WNK2: variants seen among roughly 807,000 people sequenced by gnomAD.
The protein encoded by WNK2 is serine/threonine-protein kinase WNK2.
A neutral mutation model predicts 192.1 loss-of-function variants in WNK2; 67 were observed. That is an observed-to-expected ratio of 0.35 (90% confidence interval 0.29 to 0.43). The LOEUF (loss-of-function observed/expected upper bound fraction) is 0.43, where lower values mean the gene tolerates loss of function less well. WNK2 is among the 20% of genes least tolerant of loss of function. The pLI, the probability that WNK2 is intolerant of heterozygous loss-of-function variation, is 1.00. For missense variants in WNK2, 2,698 were observed against 3,089.7 expected, an observed-to-expected ratio of 0.87 and a Z score of 3.01; for synonymous variants, 1,439 against 1,393.9, an observed-to-expected ratio of 1.03 and a Z score of -0.72.
chr9:93,188,939 G>A (rs949178825), intron 2 of WNK2, among the ~76,000 whole-genome samples: 15 of 152,156 alleles, frequency 9.9e-5, no homozygotes, highest in Non-Finnish European at 2.2e-4. Context: ...TCTCCTTTTG[G>A]TGTTGAGCTT....
At position 93,261,932 on chromosome 9, in the gene WNK2, C is replaced by A; in HGVS notation, c.3185C>A (p.Ala1062Asp). The A allele has an allele frequency of 6.2e-7, 1 of 1,610,040 alleles. No homozygotes were observed. Among genetic ancestry groups the A allele is most frequent in the Non-Finnish European group, 8.5e-7 (1 of 1,179,752 alleles). The stretch of plus-strand genomic sequence containing the variant: ...CTGCCGGAAGTGCTGCTGCCTGCCG[C>A]CCCTGAGCTCCTGCCTCAGTTCCCC... Reference protein sequence around the residue: ...PPLPEVLLPAAPELLPQFPSS... With the variant: ...PPLPEVLLPADPELLPQFPSS... Residue 1062 changes from alanine to aspartate, a missense_variant, in exon 13 of 30, where the codon GCC becomes GAC. By Grantham distance (126) the Ala-to-Asp change is moderately radical. This residue lies in a region of WNK2 where 893 missense variants were observed against 909.0 expected (regional missense o/e 0.98). Transcript: ENST00000427277.
At position 93,185,120 on chromosome 9, in the gene WNK2, GCCCGCAGCC is replaced by G. The variant is rs761064127; in HGVS notation, c.203_211del (p.Pro68_Pro70del). ...GGCTTGGAGGCAGCCGAGGCGCCGG[GCCCGCAGCC>G]CCCGCAGCCCCTGCAGCGCCGGGTG... On this transcript the variant is annotated inframe_deletion, in exon 2 of 30. Transcript: ENST00000427277. 3.1e-5 allele frequency: 40 copies of G among 1,308,480 alleles called. No homozygotes were observed. The highest frequency in any genetic ancestry group is 3.8e-5 in the Non-Finnish European group (39 of 1,023,426). The allele number at this position is 1,308,480 out of a possible 1,614,324, so 81.1% of individuals were successfully genotyped here.
intron 12 of WNK2, among the ~76,000 whole-genome samples, chr9:93,260,116 C>G (rs1245638755): frequency 6.6e-6 from 1 of 152,138 alleles, no homozygotes; most frequent in Non-Finnish European, 1.5e-5. Context: ...ATGGTGGGAC[C>G]CGGGGCCATG....
intron 26 of WNK2, chr9:93,306,526 A>G: frequency 2.0e-6 from 1 of 504,450 alleles, no homozygotes; most frequent in South Asian, 3.7e-5. Flanking sequence ...TTCTAGAGAC[A>G]AACACTTCTC....
rs1475585622 is a variant in WNK2 at position 93,185,420 on chromosome 9, A to C, written c.491A>C (p.Glu164Ala). 2 of 1,610,352 alleles carry C rather than the reference A, an allele frequency of 1.2e-6. No homozygotes were observed. The highest frequency in any genetic ancestry group is 2.2e-5 in the South Asian group (2 of 90,804). Reference sequence around the variant, plus strand: ...GAGGGGGCGGCCGAGGCGAAGCCTGAGCCCGGGCGCACTCGCCGGGACGAG... The same window carrying C: ...GAGGGGGCGGCCGAGGCGAAGCCTGCGCCCGGGCGCACTCGCCGGGACGAG... ...EDEGAAEAKP[E>A]PGRTRRDEPE... The change falls in exon 2 of 30, where the codon GAG becomes GCG. Residue 164 changes from glutamate to alanine, a missense_variant. Physicochemically the swap from Glu to Ala is moderately radical, Grantham distance 107. Coordinates refer to ENST00000427277, the MANE Select transcript of WNK2 (RefSeq NM_006648.4).
chr9:93,185,021 C>T lies in WNK2; in HGVS notation c.92C>T (p.Ala31Val), dbSNP rs1421287562. 2 of 1,254,562 alleles carry T rather than the reference C, an allele frequency of 1.6e-6. No homozygotes were observed. Among genetic ancestry groups the T allele is most frequent in the African/African-American group, 1.6e-5 (1 of 63,440 alleles). The allele number at this position is 1,254,562 out of a possible 1,614,324, so 77.7% of individuals were successfully genotyped here. ...AGPAGMAEPR[A>V]KAARPGPQRF... ...CCCGCGGGCATGGCGGAGCCTCGGG[C>T]GAAGGCGGCGCGGCCGGGGCCCCAG... The change falls in exon 2 of 30, where the codon GCG becomes GTG. Residue 31 changes from alanine to valine, a missense_variant. Ala to Val is a moderately conservative substitution (Grantham distance 64). Coordinates refer to ENST00000427277, the MANE Select transcript of WNK2 (RefSeq NM_006648.4).
Position 93,292,651 on chromosome 9 carries a change from C to A in WNK2, c.5186C>A (p.Pro1729His). Reference protein sequence around the residue: ...QTLGARALGSPRKRPEQQDVS... With the variant: ...QTLGARALGSHRKRPEQQDVS... ...CTCGGCGCTCGAGCTTTGGGGTCCCCTCGGAAACGTCCAGAGCAGCAGGAT... is the reference window on the plus strand; with the variant it reads ...CTCGGCGCTCGAGCTTTGGGGTCCCATCGGAAACGTCCAGAGCAGCAGGAT... The change falls in exon 23 of 30, where the codon CCT becomes CAT. Residue 1729 changes from proline (P) to histidine (H), a missense_variant. By Grantham distance (77) the Pro-to-His change is moderately conservative. Coordinates refer to ENST00000427277, the MANE Select transcript of WNK2 (RefSeq NM_006648.4). 1.3e-6 allele frequency: 2 copies of A among 1,581,426 alleles called. No individual in the cohort carries two copies. The highest frequency in any genetic ancestry group is 2.3e-5 in the East Asian group (1 of 42,818).
intron 11 of WNK2, among the ~76,000 whole-genome samples, chr9:93,258,488 T>A (rs1564104489): frequency 6.6e-6 from 1 of 152,180 alleles, no homozygotes; most frequent in Non-Finnish European, 1.5e-5. Context: ...GTCTGGTGGC[T>A]CTGACAGTCC....
intron 28 of WNK2, among the ~76,000 whole-genome samples, chr9:93,313,194 G>A (rs1304306332): frequency 6.6e-6 from 1 of 152,128 alleles, no homozygotes; most frequent in East Asian, 1.9e-4. Context: ...TAAGTCCAAT[G>A]TCTAGGCTTC....
Position 93,195,699 on chromosome 9 carries a change from C to CAAAAAAAAA in WNK2, c.681+10106_681+10114dup, listed in dbSNP as rs59357990. Reference sequence around the variant, plus strand: ...GGGCAACAGAGTAAAGACTTTGTCTCAAAAAAAAAAAAAAAAAAAAAAAAA... The same window carrying CAAAAAAAAA: ...GGGCAACAGAGTAAAGACTTTGTCTCAAAAAAAAAAAAAAAAAAAAAAAAAAAAAAAAAA... On this transcript the variant is annotated intron_variant, in intron 2 of 29. Transcript: ENST00000427277. Among the ~76,000 whole-genome samples the CAAAAAAAAA allele has an allele frequency of 4.4e-3, 185 of 41,642 alleles. 19 individuals are homozygous for CAAAAAAAAA. Among genetic ancestry groups the CAAAAAAAAA allele is most frequent in the Middle Eastern group, 0.017 (1 of 58 alleles). The allele number at this position is 41,642 out of a possible 152,430, so 27.3% of individuals were successfully genotyped here.
chr9:93,253,170 T>TTC (rs1842830683), intron 9 of WNK2, 88 bp downstream of exon 9: 1 of 1,174,940 alleles, frequency 8.5e-7, no homozygotes, highest in African/African-American at 1.6e-5. Flanking sequence ...TGATGGGCTG[T>TTC]CCAGGCTGCA....
chr9:93,279,068 T>C (rs754828370), intron 19 of WNK2, among the ~76,000 whole-genome samples: 30 of 152,198 alleles, frequency 2.0e-4, no homozygotes, highest in Non-Finnish European at 4.3e-4. Context: ...GATTGGGAAC[T>C]AGGTGAGGAT....
At position 93,293,942 on chromosome 9, in the gene WNK2, GTCTC is replaced by G. The variant is rs1013277219; in HGVS notation, c.5708+778_5708+781del. 2.6e-5 allele frequency among the ~76,000 whole-genome samples: 4 copies of G among 151,054 alleles called. 1 individual carries two copies. The highest frequency in any genetic ancestry group is 4.2e-4 in the South Asian group (2 of 4,758). ...CTCTCCTTTCTTTGTCTCTGTCTCTGTCTCTCTCTCTCCCACCCTCCTTCTTTCT... is the reference window on the plus strand; with the variant it reads ...CTCTCCTTTCTTTGTCTCTGTCTCTGTCTCTCTCCCACCCTCCTTCTTTCT... On this transcript the variant is annotated intron_variant, in intron 23 of 29. Coordinates refer to ENST00000427277, the MANE Select transcript of WNK2 (RefSeq NM_006648.4).
chr9:93,295,264 C>T (rs1850056784), intron 23 of WNK2, among the ~76,000 whole-genome samples: 1 of 152,094 alleles, frequency 6.6e-6, no homozygotes, highest in Non-Finnish European at 1.5e-5. Context: ...AAGCTCCAGC[C>T]TGGATAAGAC....
intron 11 of WNK2, among the ~76,000 whole-genome samples, chr9:93,258,068 C>T (rs1843599711): frequency 6.6e-6 from 1 of 152,216 alleles, no homozygotes; most frequent in African/African-American, 2.4e-5. Context: ...GCCCAGATGT[C>T]ACCATAGGAC....
Position 93,239,661 on chromosome 9 carries a change from G to T in WNK2, c.1323-96G>T. ...GAGGCCTGGCCTCAGGCTCCTGCAG[G>T]TGTGCCTGTCCTTGTCCTGGTGCGC... On this transcript the variant is annotated intron_variant, in intron 6 of 29. Transcript: ENST00000427277. This position sits in a 1 kb window ranked among gnomAD's most constrained non-coding sequence, Gnocchi z 4.2. The T allele has an allele frequency of 9.1e-7, 1 of 1,095,524 alleles. No individual in the cohort carries two copies. Among genetic ancestry groups the T allele is most frequent in the Non-Finnish European group, 1.3e-6 (1 of 763,304 alleles). 67.9% of individuals were successfully genotyped at this position (1,095,524 alleles called of 1,614,324 possible). A position where few individuals can be genotyped will look rare whatever the true frequency, so the allele number is the denominator to read the frequency against.
chr9:93,263,122 G>C, intron 14 of WNK2: 1 of 380,380 alleles, frequency 2.6e-6, no homozygotes, highest in Non-Finnish European at 4.8e-6. Flanking sequence ...GGTGTTTCAG[G>C]AAATGAACCG....
chr9:93,217,103 C>T (rs542656730), intron 2 of WNK2, among the ~76,000 whole-genome samples: 10 of 152,122 alleles, frequency 6.6e-5, no homozygotes, highest in East Asian at 1.9e-4. Flanking sequence ...AGACTACAGA[C>T]GTGCACCACC....
intron 9 of WNK2, among the ~76,000 whole-genome samples, chr9:93,254,150 C>T (rs1170374468): frequency 6.6e-6 from 1 of 152,146 alleles, no homozygotes; most frequent in African/African-American, 2.4e-5. Context: ...CTCCGGACCT[C>T]AGGTGATCCT....
Sources: allele counts gnomAD v4.1 joint callset (sites outside exome capture counted in the v4.1 genomes callset), GRCh38; gene constraint gnomAD v4.1.1; regional missense constraint gnomAD v4.1.1; non-coding constraint Gnocchi (gnomAD v3.1); transcripts MANE v1.5; gene names NCBI Gene and HGNC (gene_info 2026-07-23, HGNC 2026-07-21).